Variants in SLC28A1 observed in about 807,000 individuals in gnomAD.
SLC28A1 encodes the protein sodium/nucleoside cotransporter 1.
In SLC28A1, 64 loss-of-function variants were observed where a neutral mutation model predicts 74.8. The observed-to-expected ratio is 0.86, with a 90% confidence interval of 0.70 to 1.05. SLC28A1 has a LOEUF of 1.05. Among genes scored for constraint, SLC28A1 ranks in the 50% least tolerant of loss-of-function variants. SLC28A1 has a pLI of 0.00. For missense variants in SLC28A1, 828 were observed against 822.8 expected (o/e 1.01, Z -0.08); for synonymous variants, 359 against 335.0 (o/e 1.07, Z -0.78).
Position 84,923,968 on chromosome 15 carries a change from A to G in SLC28A1, c.958-17A>G. On this transcript the variant is annotated splice_polypyrimidine_tract_variant and intron_variant, in intron 11 of 18. Transcript: ENST00000394573. Reference sequence around the variant, plus strand: ...ATCACCCCCACCCTGCTTGTCTGACATCTTTCCTGTTTGCAGACCGAGGCT... The same window carrying G: ...ATCACCCCCACCCTGCTTGTCTGACGTCTTTCCTGTTTGCAGACCGAGGCT... 6.2e-7 allele frequency: 1 copy of G among 1,613,950 alleles called. No individual in the cohort carries two copies. The highest frequency in any genetic ancestry group is 8.5e-7 in the Non-Finnish European group (1 of 1,179,974).
intron 15 of SLC28A1, among the ~76,000 whole-genome samples, chr15:84,941,381 A>G (rs1972674306): frequency 1.3e-5 from 2 of 151,310 alleles, no homozygotes; most frequent in South Asian, 4.2e-4. Context: ...AATTTTTTGT[A>G]TTTTTAGTAG....
chr15:84,919,514 T>C (rs541614317), intron 10 of SLC28A1, among the ~76,000 whole-genome samples: 1 of 152,322 alleles, frequency 6.6e-6, no homozygotes, highest in East Asian at 1.9e-4. Flanking sequence ...GATTGAAACC[T>C]TGGCTGGGAA....
At chr15:84,896,448 G>A (rs1415920777) in intron 6 of SLC28A1, among the ~76,000 whole-genome samples, 1 of 152,200 alleles carries the variant, frequency 6.6e-6, no homozygotes, top group East Asian at 1.9e-4. Context: ...ACAAGTGATG[G>A]CAAAGATATG....
the SLC28A1 span, among the ~76,000 whole-genome samples, chr15:84,951,092 T>A: frequency 2.0e-5 from 3 of 152,030 alleles, no homozygotes; most frequent in Non-Finnish European, 4.4e-5. Context: ...GGAATGCAGA[T>A]GGGAAGGTGA....
intron 6 of SLC28A1, 82 bp from the exon 7 acceptor site, chr15:84,904,015 T>C: frequency 6.3e-7 from 1 of 1,589,546 alleles, no homozygotes; most frequent in Non-Finnish European, 8.6e-7. Flanking sequence ...GCACCCTTTC[T>C]CTGGGTCCCC....
rs983651783 is a variant in SLC28A1 at position 84,945,278 on chromosome 15, C to A, written c.*78C>A. 5.1e-6 allele frequency: 7 copies of A among 1,372,562 alleles called. No homozygotes were observed. The highest frequency in any genetic ancestry group is 7.3e-6 in the Non-Finnish European group (7 of 964,558). 85.0% of individuals were successfully genotyped at this position (1,372,562 alleles called of 1,614,324 possible). ...ACCATCTGTCCCCACCTTCCCTTTCCCAGAGCCCTCTTCAGGGAAGCCACA... is the reference window on the plus strand; with the variant it reads ...ACCATCTGTCCCCACCTTCCCTTTCACAGAGCCCTCTTCAGGGAAGCCACA... On this transcript the variant is annotated 3_prime_UTR_variant, in exon 19 of 19. Transcript: ENST00000394573.
intron 2 of SLC28A1, 50 bp from the exon 3 acceptor site, chr15:84,887,695 C>A (rs1964757918): frequency 6.3e-7 from 1 of 1,593,372 alleles, no homozygotes; most frequent in East Asian, 2.2e-5. Flanking sequence ...TAAACTGGGC[C>A]CTGCCCGGCC....
intron 12 of SLC28A1, among the ~76,000 whole-genome samples, chr15:84,930,928 C>G (rs1018073630): frequency 2.0e-5 from 3 of 152,218 alleles, no homozygotes; most frequent in Admixed American, 2.0e-4. Flanking sequence ...CACCACCACA[C>G]CCGGATAATT....
intron 8 of SLC28A1, among the ~76,000 whole-genome samples, chr15:84,907,989 C>T (rs1967493236): frequency 6.6e-6 from 1 of 152,112 alleles, no homozygotes; most frequent in African/African-American, 2.4e-5. Flanking sequence ...TAACACAGGT[C>T]TCCTGTAGAA....
downstream of SLC28A1, chr15:84,945,922 T>C (rs527331562): frequency 3.7e-4 from 56 of 151,452 alleles, no homozygotes; most frequent in African/African-American, 1.2e-3. Context: ...TACAGTGAGG[T>C]GATCATGGCT....
intron 15 of SLC28A1, chr15:84,940,455 T>TGG (rs141207529): frequency 3.3e-5 from 5 of 152,356 alleles, no homozygotes; most frequent in African/African-American, 1.2e-4. Context: ...GAATTTAGTG[T>TGG]GGGGGGGTTA....
chr15:84,945,193 C>T lies in SLC28A1; in HGVS notation c.1943C>T (p.Ala648Val). 6.2e-7 allele frequency: 1 copy of T among 1,613,928 alleles called. No homozygotes were observed. Among genetic ancestry groups the T allele is most frequent in the Non-Finnish European group, 8.5e-7 (1 of 1,179,846 alleles). The part of the protein sequence containing the change: ...CCRFYNHTIC[A>V]Q The stretch of plus-strand genomic sequence containing the variant: ...CGGTTTTACAACCACACGATCTGTG[C>T]ACAGTGAGGACAGAACATGCTTGTG... The change falls in exon 19 of 19, where the codon GCA becomes GTA. Residue 648 changes from alanine (A) to valine (V), a missense_variant. This residue lies in a region of SLC28A1 where 53 missense variants were observed against 44.5 expected (regional missense o/e 1.19). Coordinates refer to ENST00000394573, the MANE Select transcript of SLC28A1 (RefSeq NM_004213.5).
At chr15:84,938,753 G>GAA (rs58569171) in intron 15 of SLC28A1, among the ~76,000 whole-genome samples, 38 of 145,802 alleles carry the variant, frequency 2.6e-4, no homozygotes, top group East Asian at 2.0e-3. Context: ...AAAACAACAA[G>GAA]AAAAAAAAAA....
the SLC28A1 span, among the ~76,000 whole-genome samples, chr15:84,968,849 T>C: frequency 6.6e-6 from 1 of 152,196 alleles, no homozygotes; most frequent in Non-Finnish European, 1.5e-5. Context: ...AGTCAGATTG[T>C]GTGACTTACA....
chr15:84,917,038 AAAT>A (rs766487951), intron 9 of SLC28A1, among the ~76,000 whole-genome samples: 2 of 60,386 alleles, frequency 3.3e-5, no homozygotes, highest in Non-Finnish European at 8.9e-5. Flanking sequence ...AAAAAAAAAA[AAAT>A]AAATAAAAAA....
chr15:84,887,737 T>C lies in SLC28A1; in HGVS notation c.-16-8T>C, dbSNP rs1488365121. On this transcript the variant is annotated splice_region_variant and splice_polypyrimidine_tract_variant and intron_variant, in intron 2 of 18. Coordinates refer to ENST00000394573, the MANE Select transcript of SLC28A1 (RefSeq NM_004213.5). ...TCAGCGTTGGGCGCTCCCTGATTTG[T>C]CTTTCAGCTGGAAGGTCTGGGACAT... The C allele has an allele frequency of 6.2e-7, 1 of 1,612,236 alleles. No homozygotes were observed. Among genetic ancestry groups the C allele is most frequent in the East Asian group, 2.2e-5 (1 of 44,862 alleles).
At position 84,898,693 on chromosome 15, in the gene SLC28A1, A is replaced by G. The variant is rs944750316; in HGVS notation, c.461+3570A>G. ...GCTAAAAAACTGGAATGAATACATG[A>G]GACAAGAGCTCTTAGATGTTGGACA... is the stretch of plus-strand genomic sequence containing the variant. On this transcript the variant is annotated intron_variant, in intron 6 of 18. Transcript: ENST00000394573. Among the ~76,000 whole-genome samples, 4 of 152,142 alleles carry G rather than the reference A, an allele frequency of 2.6e-5. No individual in the cohort carries two copies. The East Asian group carries it at 7.7e-4, about 29-fold the overall frequency.
In SLC28A1 at chr15:84,897,380, C is replaced by T. The variant is rs146887144; in HGVS notation, c.461+2257C>T. Among the ~76,000 whole-genome samples, 640 of 151,546 alleles carry T rather than the reference C, an allele frequency of 4.2e-3. 8 individuals carry two copies. Among genetic ancestry groups the T allele is most frequent in the African/African-American group, 0.015 (604 of 41,242 alleles). ...CAGCCTGGGTGACAGAGCGAGACTC[C>T]GTCTCAGAAAAAAAAAATCCAAACC... is the stretch of plus-strand genomic sequence containing the variant. On this transcript the variant is annotated intron_variant, in intron 6 of 18. Transcript: ENST00000394573.
At chr15:84,918,439 G>T (rs1969397659) in intron 9 of SLC28A1, 85 bp from the exon 10 acceptor site, 3 of 955,180 alleles carry the variant, frequency 3.1e-6, no homozygotes, top group East Asian at 4.8e-5. Context: ...GATGGAGTGG[G>T]CTGTCTGGGG....
Sources: allele counts gnomAD v4.1 joint callset (sites outside exome capture counted in the v4.1 genomes callset), GRCh38; gene constraint gnomAD v4.1.1; regional missense constraint gnomAD v4.1.1; transcripts MANE v1.5; gene names NCBI Gene and HGNC (gene_info 2026-07-23, HGNC 2026-07-21).